Variants in ACOT2 observed in about 807,000 individuals in gnomAD.
The protein encoded by ACOT2 is acyl-CoA thioesterase 2, also known as acyl-coenzyme A thioesterase 2, mitochondrial.
ACOT2 carries 15 observed loss-of-function variants against 20.1 expected under a neutral mutation model. The observed-to-expected ratio is 0.75, with a 90% confidence interval of 0.50 to 1.15. The LOEUF (loss-of-function observed/expected upper bound fraction) is 1.15. Among genes scored for constraint, ACOT2 ranks in the 50% most tolerant of loss-of-function variants. ACOT2 has a pLI of 0.00. For synonymous variants in ACOT2, 252 were observed against 268.4 expected (o/e 0.94, Z 0.60); for missense variants, 479 against 615.3 (o/e 0.78, Z 2.34).
upstream of ACOT2, chr14:73,569,211 G>C: frequency 6.2e-7 from 1 of 1,609,978 alleles, no homozygotes; most frequent in Non-Finnish European, 8.5e-7. Flanking sequence ...GCCCTAGTGG[G>C]CGCTTAGCCT....
intron 1 of ACOT2, among the ~76,000 whole-genome samples, chr14:73,573,139 T>C (rs1192127665): frequency 6.6e-6 from 1 of 151,894 alleles, no homozygotes; most frequent in Non-Finnish European, 1.5e-5. Context: ...TTCTTGGTGG[T>C]GCACCATTAA....
At chr14:73,572,461 A>G (rs1019458320) in intron 1 of ACOT2, among the ~76,000 whole-genome samples, 1 of 151,962 alleles carries the variant, frequency 6.6e-6, no homozygotes, top group African/African-American at 2.4e-5. Context: ...ACTAGGCAAA[A>G]TAAAATATTA....
rs758785108 is a variant in ACOT2, at chr14:73,569,540, G to C, written c.300G>C (p.Leu100=). Residue 100 remains leucine, a synonymous_variant, in exon 1 of 3, where the codon CTG becomes CTC. Coordinates refer to ENST00000238651, the MANE Select transcript of ACOT2 (RefSeq NM_006821.6). Reference sequence around the variant, plus strand: ...AGCCGGTCACGCTGCGCGCGTCCCTGCGCGACGAGAAGGGCGCGCTTTTCC... The same window carrying C: ...AGCCGGTCACGCTGCGCGCGTCCCTCCGCGACGAGAAGGGCGCGCTTTTCC... ...PEQPVTLRAS[L]RDEKGALFQA... is the part of the protein sequence containing the mutation. 4 of 1,605,558 alleles carry C rather than the reference G, an allele frequency of 2.5e-6. No individual in the cohort carries two copies. In the African/African-American group the frequency reaches 5.4e-5, roughly 21 times the overall value.
In ACOT2 at chr14:73,569,518, C is replaced by T. The variant is rs766505734; in HGVS notation, c.278C>T (p.Pro93Leu). Residue 93 changes from proline to leucine, a missense_variant, in exon 1 of 3, where the codon CCG (proline) becomes CTG (leucine). This residue lies in a region of ACOT2 where 400 missense variants were observed against 395.5 expected (regional missense o/e 1.01). Transcript: ENST00000238651. ...IAVRGLAPEQ[P>L]VTLRASLRDE... ...GTGCGCGGCCTAGCCCCGGAGCAGCCGGTCACGCTGCGCGCGTCCCTGCGC... is the reference window on the plus strand; with the variant it reads ...GTGCGCGGCCTAGCCCCGGAGCAGCTGGTCACGCTGCGCGCGTCCCTGCGC... The T allele has an allele frequency of 3.1e-6, 5 of 1,609,034 alleles. No individual in the cohort carries two copies. Among genetic ancestry groups the T allele is most frequent in the East Asian group, 2.2e-5 (1 of 44,810 alleles).
intron 1 of ACOT2, 92 bp downstream of exon 1, chr14:73,569,975 C>A: frequency 1.9e-5 from 28 of 1,460,374 alleles, no homozygotes; most frequent in Non-Finnish European, 2.3e-5. Flanking sequence ...TGTATGCCCC[C>A]CCGCCGCGCC....
At chr14:73,572,148 A>G (rs1259559988) in intron 1 of ACOT2, among the ~76,000 whole-genome samples, 3 of 79,070 alleles carry the variant, frequency 3.8e-5, no homozygotes, top group African/African-American at 6.6e-5. Context: ...GTACATGTGC[A>G]CCAGGAGGCA....
chr14:73,571,034 G>T (rs1188213808), intron 1 of ACOT2: 1 of 148,474 alleles, frequency 6.7e-6, no homozygotes, highest in African/African-American at 2.5e-5. Flanking sequence ...TTCCATGGCA[G>T]CTAGGAGGTG....
Position 73,569,297 on chromosome 14 carries a change from C to A in ACOT2, c.57C>A (p.Phe19Leu). 1 of 1,613,940 alleles carries A rather than the reference C, an allele frequency of 6.2e-7. No homozygotes were observed. Residue 19 changes from phenylalanine to leucine, a missense_variant, in exon 1 of 3, where the codon TTC becomes TTA. By Grantham distance (22) the Phe-to-Leu change is conservative (BLOSUM62 0). Around this residue, in one of 4 missense-constraint regions of ACOT2, gnomAD observed 400 missense variants for 395.5 expected, o/e 1.01. Coordinates refer to ENST00000238651, the MANE Select transcript of ACOT2 (RefSeq NM_006821.6). ...HPHSVVLRSEFKMASSPAVLR... is the reference protein window; with the variant it reads ...HPHSVVLRSELKMASSPAVLR... ...ATTCAGTTGTTCTCAGGTCTGAATTCAAAATGGCCTCATCTCCTGCTGTCC... is the reference window on the plus strand; with the variant it reads ...ATTCAGTTGTTCTCAGGTCTGAATTAAAAATGGCCTCATCTCCTGCTGTCC...
At chr14:73,572,325 C>T (rs572516661) in intron 1 of ACOT2, among the ~76,000 whole-genome samples, 1 of 151,436 alleles carries the variant, frequency 6.6e-6, no homozygotes, top group South Asian at 2.1e-4. Flanking sequence ...CAACATCTAT[C>T]AAGATATACA....
rs1181388230 is a variant in ACOT2 at position 73,569,475 on chromosome 14, G to T, written c.235G>T (p.Glu79Ter). ...LEPAGRCCWDEPVRIAVRGLA... is the reference protein window; with the variant it reads ...LEPAGRCCWD ...GCCTGCGGGCCGCTGCTGCTGGGAC[G>T]AACCGGTGCGAATCGCCGTGCGCGG... Residue 79 changes from glutamate (E) to a stop codon, truncating the protein, a stop_gained, in exon 1 of 3, where the codon GAA becomes TAA. Coordinates refer to ENST00000238651, the MANE Select transcript of ACOT2 (RefSeq NM_006821.6). LOFTEE classifies it high-confidence loss of function. The T allele has an allele frequency of 2.3e-5, 37 of 1,612,898 alleles. No individual in the cohort carries two copies. Among genetic ancestry groups the T allele is most frequent in the Non-Finnish European group, 2.5e-5 (30 of 1,179,658 alleles).
At position 73,572,639 on chromosome 14, in the gene ACOT2, ATTTTTT is replaced by A. The variant is rs10565980; in HGVS notation, c.644-728_644-723del. ...AAAGTGTTGCCTGTAAGGTGTTTGC[ATTTTTT>A]TTTTTTTTTTTTTTTTTTTTGAGAC... On this transcript the variant is annotated intron_variant, in intron 1 of 2. Coordinates refer to ENST00000238651, the MANE Select transcript of ACOT2 (RefSeq NM_006821.6). Among the ~76,000 whole-genome samples, 33 of 107,174 alleles carry A rather than the reference ATTTTTT, an allele frequency of 3.1e-4. 1 individual carries two copies. Among genetic ancestry groups the A allele is most frequent in the Non-Finnish European group, 5.0e-4 (26 of 51,898 alleles). 70.3% of individuals were successfully genotyped at this position (107,174 alleles called of 152,430 possible).
intron 1 of ACOT2, 92 bp downstream of exon 1, chr14:73,569,975 C>T: frequency 6.8e-7 from 1 of 1,460,374 alleles, no homozygotes; most frequent in Non-Finnish European, 9.0e-7. Flanking sequence ...TGTATGCCCC[C>T]CCGCCGCGCC....
At chr14:73,568,869 G>A (rs1889650113), upstream of ACOT2, among the ~76,000 whole-genome samples, 1 of 151,984 alleles carries the variant, frequency 6.6e-6, no homozygotes, top group South Asian at 2.1e-4. Context: ...AAAACACCAT[G>A]GTGCAGATTT....
rs1338748047 is a variant in ACOT2 at position 73,575,216 on chromosome 14, T to A, written c.1155T>A (p.Gly385=). 1.0e-6 allele frequency: 1 copy of A among 970,280 alleles called. No individual in the cohort carries two copies. The highest frequency in any genetic ancestry group is 2.2e-5 in the African/African-American group (1 of 44,704). The allele number at this position is 970,280 out of a possible 1,614,324, so 60.1% of individuals were successfully genotyped here. A position where few individuals can be genotyped will look rare whatever the true frequency, so the allele number is the denominator to read the frequency against. Residue 385 remains glycine, a synonymous_variant, in exon 3 of 3, where the codon GGT becomes GGA. Coordinates refer to ENST00000238651, the MANE Select transcript of ACOT2 (RefSeq NM_006821.6). ...RAESTFLFLV[G]QDDHNWKSEF... ...AGAGCACCTTCCTGTTCCTGGTAGG[T>A]CAGGATGACCACAACTGGAAGAGTG...
intron 1 of ACOT2, among the ~76,000 whole-genome samples, chr14:73,573,176 AT>A (rs1192217557): frequency 6.6e-6 from 1 of 151,726 alleles, no homozygotes; most frequent in Non-Finnish European, 1.5e-5. Context: ...GTTAAAGGAC[AT>A]TTGGGTTGTT....
At chr14:73,571,469 G>C (rs1889748757) in intron 1 of ACOT2, 1 of 152,284 alleles carries the variant, frequency 6.6e-6, no homozygotes, top group African/African-American at 2.4e-5. Flanking sequence ...GTCCTCCGGG[G>C]TTGGGCTTCA....
At position 73,574,970 on chromosome 14, in the gene ACOT2, G is replaced by A. The variant is rs1225220653; in HGVS notation, c.909G>A (p.Met303Ile). The A allele has an allele frequency of 1.2e-6, 2 of 1,605,712 alleles. No individual in the cohort carries two copies. Among genetic ancestry groups the A allele is most frequent in the East Asian group, 4.5e-5 (2 of 44,700 alleles). The part of the protein sequence containing the change: ...ISKGGELCLS[M>I]ASFLKGITAA... ...AAGGGGGTGAGCTCTGCCTTTCCAT[G>A]GCCTCTTTCCTGAAGGGCATCACGG... is the stretch of plus-strand genomic sequence containing the variant. The change falls in exon 3 of 3, where the codon ATG becomes ATA. Residue 303 changes from methionine to isoleucine, a missense_variant. Physicochemically the swap from Met to Ile is conservative, Grantham distance 10. Transcript: ENST00000238651.
chr14:73,571,059 C>T (rs1889734016), intron 1 of ACOT2: 1 of 150,972 alleles, frequency 6.6e-6, no homozygotes, highest in Non-Finnish European at 1.5e-5. Flanking sequence ...GTGGCTGGGC[C>T]TGTGACAGTG....
intron 1 of ACOT2, among the ~76,000 whole-genome samples, chr14:73,572,643 T>C (rs1388900400): frequency 0.11 from 1,269 of 11,394 alleles, 25 homozygotes; most frequent in African/African-American, 0.4. Context: ...GTTTGCATTT[T>C]TTTTTTTTTT....
Sources: allele counts gnomAD v4.1 joint callset (sites outside exome capture counted in the v4.1 genomes callset), GRCh38; gene constraint gnomAD v4.1.1; regional missense constraint gnomAD v4.1.1; transcripts MANE v1.5; gene names NCBI Gene and HGNC (gene_info 2026-07-23, HGNC 2026-07-21).